COLEC12: variants seen among roughly 807,000 people sequenced by gnomAD.
COLEC12 encodes collectin subfamily member 12.
COLEC12 carries 33 observed loss-of-function variants against 71.1 expected under a neutral mutation model. The ratio of observed to expected loss-of-function variants is 0.46; its 90% CI spans 0.35 to 0.62. The LOEUF (loss-of-function observed/expected upper bound fraction) is 0.62, where lower values mean the gene tolerates loss of function less well. Ranked by LOEUF, COLEC12 falls within the 20% of genes least tolerant of loss-of-function variation. The pLI, the probability that COLEC12 is intolerant of heterozygous loss-of-function variation, is 0.00. For missense variants in COLEC12, 765 were observed against 916.1 expected, an observed-to-expected ratio of 0.84 and a Z score of 2.13; for synonymous variants, 350 against 353.0, an observed-to-expected ratio of 0.99 and a Z score of 0.10.
chr18:438,576 G>T (rs2143688897), intron 2 of COLEC12, among the ~76,000 whole-genome samples: 1 of 152,208 alleles, frequency 6.6e-6, no homozygotes, highest in South Asian at 2.1e-4. Flanking sequence ...ACTTTGGGAG[G>T]CCAAGGCAGG....
chr18:458,893 G>A (rs1422892911), intron 2 of COLEC12, among the ~76,000 whole-genome samples: 1 of 152,202 alleles, frequency 6.6e-6, no homozygotes, highest in Non-Finnish European at 1.5e-5. Flanking sequence ...TGAGTGCAGT[G>A]GCACGATCAT....
In COLEC12 at chr18:317,490, C is replaced by CT. The variant is rs1328726859; in HGVS notation, c.*2554dup. 1 of 152,168 alleles carries CT rather than the reference C, an allele frequency of 6.6e-6. No homozygotes were observed. The highest frequency in any genetic ancestry group is 1.5e-5 in the Non-Finnish European group (1 of 68,056). 9.4% of individuals were successfully genotyped at this position (152,168 alleles called of 1,614,324 possible). A position where few individuals can be genotyped will look rare whatever the true frequency, so the allele number is the denominator to read the frequency against. On this transcript the variant is annotated 3_prime_UTR_variant, in exon 10 of 10. Coordinates refer to ENST00000400256, the MANE Select transcript of COLEC12 (RefSeq NM_130386.3). The stretch of plus-strand genomic sequence containing the variant: ...GAAATGGGGAGTGTAGTAAGACCTG[C>CT]TTCCTAGGGCTGTTGGGAGGATCAG...
rs151218312 is a variant in COLEC12 at position 356,421 on chromosome 18, G to T, written c.181+979C>A. Among the ~76,000 whole-genome samples the T allele has an allele frequency of 2.4e-3, 371 of 152,232 alleles. 2 individuals carry two copies. Among genetic ancestry groups the T allele is most frequent in the African/African-American group, 8.0e-3 (332 of 41,550 alleles). ...ATGGTAGGATCAAGGCTTGAACTTGGACTGTCTGGCCCTGACACCCATCTC... is the reference window on the plus strand; with the variant it reads ...ATGGTAGGATCAAGGCTTGAACTTGTACTGTCTGGCCCTGACACCCATCTC... On this transcript the variant is annotated intron_variant, in intron 3 of 9. Coordinates refer to ENST00000400256, the MANE Select transcript of COLEC12 (RefSeq NM_130386.3).
At chr18:493,065 T>C (rs1412494763) in intron 1 of COLEC12, among the ~76,000 whole-genome samples, 1 of 152,130 alleles carries the variant, frequency 6.6e-6, no homozygotes, top group East Asian at 1.9e-4. Flanking sequence ...TAGTTGGCCA[T>C]GGTGGCACGC....
At chr18:459,365 T>G (rs1047010510) in intron 2 of COLEC12, among the ~76,000 whole-genome samples, 2 of 152,240 alleles carry the variant, frequency 1.3e-5, no homozygotes, top group Admixed American at 6.5e-5. Context: ...GTGTCTTCTT[T>G]GGAGTTAAGC....
intron 2 of COLEC12, among the ~76,000 whole-genome samples, chr18:446,741 T>C (rs1276930739): frequency 6.6e-6 from 1 of 152,106 alleles, no homozygotes; most frequent in African/African-American, 2.4e-5. Flanking sequence ...ACTGTACAAT[T>C]AGCATTTTCT....
intron 1 of COLEC12, among the ~76,000 whole-genome samples, chr18:488,542 T>G (rs984701815): frequency 6.6e-6 from 1 of 151,678 alleles, no homozygotes; most frequent in African/African-American, 2.4e-5. Context: ...TAGAAAAAAG[T>G]AAAAATAAGG....
At chr18:439,477 TG>T (rs1443169005) in intron 2 of COLEC12, among the ~76,000 whole-genome samples, 1 of 146,724 alleles carries the variant, frequency 6.8e-6, no homozygotes, top group African/African-American at 2.5e-5. Flanking sequence ...CTAAACCTTA[TG>T]GTCTCCAGAA....
At chr18:440,971 G>A (rs540134162) in intron 2 of COLEC12, among the ~76,000 whole-genome samples, 3 of 152,244 alleles carry the variant, frequency 2.0e-5, no homozygotes, top group South Asian at 2.1e-4. Flanking sequence ...TATGCAGGCC[G>A]GGCGTGGTGG....
chr18:462,158 T>G (rs993797259), intron 2 of COLEC12, among the ~76,000 whole-genome samples: 1 of 152,032 alleles, frequency 6.6e-6, no homozygotes, highest in African/African-American at 2.4e-5. Context: ...AAACACAGAG[T>G]TATCATGTGC....
intron 3 of COLEC12, among the ~76,000 whole-genome samples, chr18:355,903 C>T (rs1374255170): frequency 6.6e-6 from 1 of 152,212 alleles, no homozygotes; most frequent in African/African-American, 2.4e-5. Flanking sequence ...ACTCTGTTTG[C>T]TGCTTCATCT....
chr18:465,948 C>T (rs1218886960), intron 2 of COLEC12, among the ~76,000 whole-genome samples: 1 of 152,172 alleles, frequency 6.6e-6, no homozygotes, highest in Non-Finnish European at 1.5e-5. Context: ...GGGGCACAAA[C>T]CTGTAGTCCC....
intron 2 of COLEC12, among the ~76,000 whole-genome samples, chr18:479,875 C>G (rs543801664): frequency 4.5e-4 from 69 of 152,318 alleles, no homozygotes; most frequent in Middle Eastern, 3.4e-3. Flanking sequence ...GGCCAGCGGC[C>G]TAAAATCACC....
At chr18:426,299 G>C (rs1052728647) in intron 2 of COLEC12, among the ~76,000 whole-genome samples, 12 of 152,134 alleles carry the variant, frequency 7.9e-5, no homozygotes, top group African/African-American at 2.7e-4. Context: ...AATGGGTGTT[G>C]TCAATGGAAA....
At chr18:401,662 G>A (rs1015996549) in intron 2 of COLEC12, among the ~76,000 whole-genome samples, 10 of 152,196 alleles carry the variant, frequency 6.6e-5, no homozygotes, top group African/African-American at 1.9e-4. Context: ...GTATCCCAAC[G>A]TTTTTGCTTA....
chr18:388,392 T>C (rs1394878657), intron 2 of COLEC12, among the ~76,000 whole-genome samples: 11 of 152,236 alleles, frequency 7.2e-5, no homozygotes. Context: ...TTGGATCATC[T>C]GCAATGGCTC....
At chr18:367,409 T>C (rs992123252) in intron 2 of COLEC12, among the ~76,000 whole-genome samples, 5 of 152,118 alleles carry the variant, frequency 3.3e-5, no homozygotes, top group Non-Finnish European at 5.9e-5. Flanking sequence ...GGAAAAAAAG[T>C]GGACTTCAAT....
At chr18:373,287 C>T (rs1915041220) in intron 2 of COLEC12, among the ~76,000 whole-genome samples, 1 of 151,964 alleles carries the variant, frequency 6.6e-6, no homozygotes, top group South Asian at 2.1e-4. Flanking sequence ...TCCTTTTTTC[C>T]TCCACAGTGA....
intron 2 of COLEC12, among the ~76,000 whole-genome samples, chr18:374,197 C>G (rs192250208): frequency 6.6e-6 from 1 of 152,316 alleles, no homozygotes; most frequent in East Asian, 1.9e-4. Flanking sequence ...AGACAGTACA[C>G]CTCGATGTCC....
Sources: allele counts gnomAD v4.1 joint callset (sites outside exome capture counted in the v4.1 genomes callset), GRCh38; gene constraint gnomAD v4.1.1; transcripts MANE v1.5; gene names NCBI Gene and HGNC (gene_info 2026-07-23, HGNC 2026-07-21).